SLC35F4: variants seen among roughly 807,000 people sequenced by gnomAD.
The protein encoded by SLC35F4 is solute carrier family 35 member F4.
In SLC35F4, 24 loss-of-function variants were observed where a neutral mutation model predicts 44.2. The observed-to-expected ratio is 0.54, with a 90% CI of 0.39 to 0.76. The LOEUF (loss-of-function observed/expected upper bound fraction) is 0.76. Among genes scored for constraint, SLC35F4 ranks in the 30% least tolerant of loss-of-function variants. SLC35F4 has a pLI of 0.00. For synonymous variants in SLC35F4, 238 were observed against 223.6 expected, an observed-to-expected ratio of 1.06 and a Z score of -0.57; for missense variants, 562 against 586.1, an observed-to-expected ratio of 0.96 and a Z score of 0.42.
At chr14:57,663,549 T>C (rs1007593982) in intron 1 of SLC35F4, among the ~76,000 whole-genome samples, 5 of 152,184 alleles carry the variant, frequency 3.3e-5, no homozygotes, top group African/African-American at 4.8e-5. Context: ...TTTGTCTTTA[T>C]AGCACAGAGA....
At chr14:57,867,239 A>G (rs560863718), upstream of SLC35F4, among the ~76,000 whole-genome samples, 35 of 152,316 alleles carry the variant, frequency 2.3e-4, no homozygotes, top group Non-Finnish European at 1.6e-4. Flanking sequence ...CCTGCCTCCA[A>G]GCATTTTCCA....
chr14:57,835,964 C>T (rs1273486669), intron 1 of SLC35F4, among the ~76,000 whole-genome samples: 2 of 152,170 alleles, frequency 1.3e-5, no homozygotes, highest in South Asian at 2.1e-4. Flanking sequence ...ATTTGGGAAA[C>T]ATTCCAAGAA....
intron 6 of SLC35F4, among the ~76,000 whole-genome samples, chr14:57,567,168 C>T (rs963109252): frequency 2.0e-5 from 3 of 152,172 alleles, no homozygotes; most frequent in African/African-American, 7.2e-5. Context: ...GGTGTAGCTC[C>T]ATGCTCTTCA....
At chr14:57,728,441 C>CTTTTT (rs869064667) in intron 1 of SLC35F4, among the ~76,000 whole-genome samples, 80 of 58,902 alleles carry the variant, frequency 1.4e-3, no homozygotes, top group East Asian at 3.0e-3. Context: ...TTCTTTCTTT[C>CTTTTT]TTTTTTTTTT....
chr14:57,918,185 C>T (rs889594135), intron 1 of SLC35F4, among the ~76,000 whole-genome samples: 6 of 152,214 alleles, frequency 3.9e-5, no homozygotes, highest in Non-Finnish European at 8.8e-5. Context: ...CTGATACTTA[C>T]TGTGAGAACC....
intron 1 of SLC35F4, among the ~76,000 whole-genome samples, chr14:57,717,517 T>A (rs56815157): frequency 3.5e-4 from 54 of 152,234 alleles, no homozygotes; most frequent in African/African-American, 1.3e-3. Flanking sequence ...GCGCCTGTAG[T>A]CCCAGCTACT....
chr14:57,908,274 G>C (rs1889147584), intron 1 of SLC35F4, among the ~76,000 whole-genome samples: 1 of 152,174 alleles, frequency 6.6e-6, no homozygotes, highest in African/African-American at 2.4e-5. Context: ...TGTCTTTAGA[G>C]TAGAATGATC....
At chr14:57,935,608 C>A (rs1889781181) in intron 1 of SLC35F4, among the ~76,000 whole-genome samples, 1 of 152,186 alleles carries the variant, frequency 6.6e-6, no homozygotes, top group Non-Finnish European at 1.5e-5. Flanking sequence ...ATAACAAAGA[C>A]TGAGAATAGG....
At chr14:57,948,956 T>TA (rs1890085503) in intron 1 of SLC35F4, among the ~76,000 whole-genome samples, 1 of 152,194 alleles carries the variant, frequency 6.6e-6, no homozygotes, top group Non-Finnish European at 1.5e-5. Context: ...TGGCCTATCA[T>TA]ATGGTCTATC....
At chr14:57,708,347 G>T (rs898271757) in intron 1 of SLC35F4, among the ~76,000 whole-genome samples, 6 of 152,164 alleles carry the variant, frequency 3.9e-5, no homozygotes, top group African/African-American at 1.4e-4. Context: ...TAAAAACTCT[G>T]ATCCCCAATT....
intron 1 of SLC35F4, among the ~76,000 whole-genome samples, chr14:57,761,248 C>G (rs1004250383): frequency 3.9e-5 from 6 of 152,174 alleles, no homozygotes; most frequent in Admixed American, 6.5e-5. Flanking sequence ...AAGCTGGTCT[C>G]CATGACCTCA....
intron 1 of SLC35F4, among the ~76,000 whole-genome samples, chr14:57,792,181 A>C (rs973418501): frequency 1.1e-4 from 16 of 152,148 alleles, no homozygotes; most frequent in Admixed American, 4.6e-4. Flanking sequence ...ACTAATGATC[A>C]GGGAAATGCA....
chr14:57,958,835 C>T (rs983923060), intron 1 of SLC35F4, among the ~76,000 whole-genome samples: 1 of 152,162 alleles, frequency 6.6e-6, no homozygotes, highest in African/African-American at 2.4e-5. Flanking sequence ...GTGCACAAGG[C>T]CACTCTACTC....
At chr14:57,812,557 G>A (rs1882091416) in intron 1 of SLC35F4, among the ~76,000 whole-genome samples, 1 of 152,290 alleles carries the variant, frequency 6.6e-6, no homozygotes, top group South Asian at 2.1e-4. Flanking sequence ...GCTGTCCTAT[G>A]TCACTGGAGT....
At chr14:57,891,996 A>T (rs548650980) in intron 1 of SLC35F4, among the ~76,000 whole-genome samples, 1 of 152,366 alleles carries the variant, frequency 6.6e-6, no homozygotes, top group South Asian at 2.1e-4. Context: ...TTGTTATAAA[A>T]GCAAATAATT....
At chr14:57,584,915 C>A (rs554087768) in intron 3 of SLC35F4, among the ~76,000 whole-genome samples, 1 of 152,260 alleles carries the variant, frequency 6.6e-6, no homozygotes, top group South Asian at 2.1e-4. Context: ...TAGGTATCTT[C>A]AAACAGGAAC....
Position 57,751,938 on chromosome 14 carries a change from G to C in SLC35F4, c.103+113785C>G, listed in dbSNP as rs552144258. Among the ~76,000 whole-genome samples the C allele has an allele frequency of 1.0e-3, 151 of 150,010 alleles. 1 individual carries two copies. Among genetic ancestry groups the C allele is most frequent in the African/African-American group, 2.3e-3 (93 of 40,622 alleles). On this transcript the variant is annotated intron_variant, in intron 1 of 7. Coordinates refer to ENST00000556826, the MANE Select transcript of SLC35F4 (RefSeq NM_001306087.2). ...TCTCTCTCTCTCTCTCTCTCTCTCT[G>C]TGTGTGTGTGTGTGTTTGTGTATTT... is the stretch of plus-strand genomic sequence containing the variant.
At chr14:57,838,438 C>T (rs969746809) in intron 1 of SLC35F4, among the ~76,000 whole-genome samples, 4 of 152,170 alleles carry the variant, frequency 2.6e-5, no homozygotes, top group African/African-American at 9.7e-5. Flanking sequence ...GATCAAAAAC[C>T]TGTGAAGGAA....
At chr14:57,743,550 T>C (rs2076674457) in intron 1 of SLC35F4, among the ~76,000 whole-genome samples, 1 of 152,126 alleles carries the variant, frequency 6.6e-6, no homozygotes, top group South Asian at 2.1e-4. Flanking sequence ...CTGAATAGAC[T>C]AATAACAGGC....
Sources: gnomAD v4.1 joint callset for allele counts (sites outside exome capture counted in the v4.1 genomes callset) on GRCh38, gnomAD v4.1.1 for gene constraint, MANE v1.5 for transcripts, NCBI Gene and HGNC (gene_info 2026-07-23, HGNC 2026-07-21) for gene names.